Variants in SMPX observed in about 807,000 individuals in gnomAD.
SMPX encodes small muscular protein.
In SMPX, 2 loss-of-function variants were observed where a neutral mutation model predicts 6.3. The ratio of observed to expected loss-of-function variants is 0.32; its 90% confidence interval spans 0.13 to 0.99. The LOEUF (loss-of-function observed/expected upper bound fraction) is 0.99. SMPX is among the 50% of genes least tolerant of loss of function. SMPX has a pLI of 0.49. For missense variants in SMPX, 60 were observed against 66.8 expected, an observed-to-expected ratio of 0.90 and a Z score of 0.36; for synonymous variants, 32 against 24.7, an observed-to-expected ratio of 1.30 and a Z score of -0.88.
intron 4 of SMPX, among the ~76,000 whole-genome samples, chrX:21,737,169 T>C (rs760073066): frequency 9.0e-6 from 1 of 111,423 alleles, no homozygotes; most frequent in South Asian, 3.9e-4. Context: ...AGCTCATGAA[T>C]AGTTTGTTGC....
intron 4 of SMPX, among the ~76,000 whole-genome samples, chrX:21,729,396 C>T (rs1247013918): frequency 1.8e-5 from 2 of 111,719 alleles, no homozygotes; most frequent in African/African-American, 3.3e-5. Flanking sequence ...CCATCCTTGG[C>T]ATTGTGGGAT....
chrX:21,735,604 T>C (rs899524919), intron 4 of SMPX, among the ~76,000 whole-genome samples: 9 of 112,164 alleles, frequency 8.0e-5, no homozygotes, highest in Admixed American at 6.6e-4. Flanking sequence ...CGAGATCCTC[T>C]CTAAGCTCAT....
intron 4 of SMPX, among the ~76,000 whole-genome samples, chrX:21,707,113 A>G (rs1362722414): frequency 1.9e-5 from 2 of 107,850 alleles, no homozygotes; most frequent in African/African-American, 6.8e-5. Context: ...CCCCACCCCA[A>G]GCCCCTGGCA....
chrX:21,742,696 C>T (rs1220094514), intron 3 of SMPX, among the ~76,000 whole-genome samples: 2 of 111,793 alleles, frequency 1.8e-5, no homozygotes, highest in Admixed American at 9.5e-5. Flanking sequence ...TATCTTTCTA[C>T]TGATAGGAGA....
intron 3 of SMPX, 86 bp from the exon 4 acceptor site, chrX:21,737,783 A>G: frequency 1.1e-6 from 1 of 927,377 alleles, no homozygotes; most frequent in Non-Finnish European, 1.5e-6. Flanking sequence ...AAAAAAAATT[A>G]AAGTAACAAT....
At chrX:21,731,830 T>TTATATA (rs59393701) in intron 4 of SMPX, among the ~76,000 whole-genome samples, 1,344 of 99,012 alleles carry the variant, frequency 0.014, 29 homozygotes, top group African/African-American at 0.047. Context: ...TATATACACA[T>TTATATA]TATATATATA....
At chrX:21,730,884 T>C (rs1435870320) in intron 4 of SMPX, among the ~76,000 whole-genome samples, 1 of 112,272 alleles carries the variant, frequency 8.9e-6, no homozygotes, top group Non-Finnish European at 1.9e-5. Context: ...TGCATCAATT[T>C]AATCATAAGT....
chrX:21,741,694 T>A (rs1202640302), intron 3 of SMPX, among the ~76,000 whole-genome samples: 1 of 111,507 alleles, frequency 9.0e-6, no homozygotes, highest in African/African-American at 3.3e-5. Flanking sequence ...AGCTCCACCC[T>A]TCTGCCCAAT....
chrX:21,757,917 G>GC, intron 1 of SMPX, 25 bp downstream of exon 1: 1 of 325,531 alleles, frequency 3.1e-6, no homozygotes, highest in Non-Finnish European at 6.0e-6. Flanking sequence ...AAACCCAGTC[G>GC]CCGGAGCTGC....
At chrX:21,711,632 G>T (rs2092778878) in intron 4 of SMPX, among the ~76,000 whole-genome samples, 1 of 111,869 alleles carries the variant, frequency 8.9e-6, no homozygotes, top group African/African-American at 3.3e-5. Context: ...GCCTTGCTGT[G>T]ACCCATTTAT....
At chrX:21,754,339 C>A (rs2092830530) in intron 1 of SMPX, 37 bp from the exon 2 acceptor site, 3 of 1,008,668 alleles carry the variant, frequency 3.0e-6, no homozygotes, top group East Asian at 6.1e-5. Context: ...GAGGTGGCAG[C>A]ATTCAGATCC....
intron 4 of SMPX, among the ~76,000 whole-genome samples, chrX:21,724,187 C>T (rs2092794585): frequency 8.9e-6 from 1 of 112,044 alleles, no homozygotes; most frequent in Non-Finnish European, 1.9e-5. Context: ...TCAGTGAAAA[C>T]CAAGAGCTTT....
chrX:21,740,441 C>T (rs1022217361), intron 3 of SMPX, among the ~76,000 whole-genome samples: 2 of 111,734 alleles, frequency 1.8e-5, no homozygotes, highest in Non-Finnish European at 3.8e-5. Context: ...GAAATGTTTC[C>T]CTTGGGGGTC....
At position 21,711,008 on chromosome X, in the gene SMPX, C is replaced by T. The variant is rs145846105; in HGVS notation, c.*15-4614G>A. Among the ~76,000 whole-genome samples, 373 of 111,695 alleles carry T rather than the reference C, an allele frequency of 3.3e-3. 7 individuals carry two copies. The highest frequency in any genetic ancestry group is 0.011 in the African/African-American group (346 of 30,722). ...CTCAGCTTCCCCCACTCCCGGGTCC[C>T]GGTAGAATTCAAGAAGGCCCAACAT... On this transcript the variant is annotated intron_variant, in intron 4 of 4. Transcript: ENST00000379494.
At chrX:21,747,863 G>A (rs5951626) in intron 2 of SMPX, among the ~76,000 whole-genome samples, 9,657 of 111,084 alleles carry the variant, frequency 0.087, 1,063 homozygotes, top group African/African-American at 0.3. Flanking sequence ...ACTTTTCAAA[G>A]GACCCCAGCA....
chrX:21,727,572 G>T (rs2092798367), intron 4 of SMPX: 1 of 111,800 alleles, frequency 8.9e-6, no homozygotes, highest in Non-Finnish European at 1.9e-5. Flanking sequence ...GCTTGCTTTC[G>T]GCTGTTTATC....
At chrX:21,738,388 A>C (rs955136646) in intron 3 of SMPX, among the ~76,000 whole-genome samples, 3 of 111,287 alleles carry the variant, frequency 2.7e-5, no homozygotes, top group Non-Finnish European at 5.7e-5. Context: ...CTCTATGTAC[A>C]TACACCAAAC....
At chrX:21,716,094 T>C (rs1180279412) in intron 4 of SMPX, among the ~76,000 whole-genome samples, 2 of 112,097 alleles carry the variant, frequency 1.8e-5, no homozygotes, top group Non-Finnish European at 1.9e-5. Context: ...GAGCCCCTTC[T>C]GGGAGATCTG....
At chrX:21,748,891 A>G (rs1316955317) in intron 2 of SMPX, among the ~76,000 whole-genome samples, 1 of 112,621 alleles carries the variant, frequency 8.9e-6, no homozygotes, top group African/African-American at 3.2e-5. Flanking sequence ...GTGATAGTCT[A>G]TTCCTCTATA....
Sources: allele counts gnomAD v4.1 joint callset (sites outside exome capture counted in the v4.1 genomes callset), GRCh38; gene constraint gnomAD v4.1.1; transcripts MANE v1.5; gene names NCBI Gene and HGNC (gene_info 2026-07-23, HGNC 2026-07-21).